The following NRG3 variants were observed in gnomAD, a reference collection of about 807,000 sequenced individuals.
NRG3 encodes the protein pro-neuregulin-3, membrane-bound isoform.
In NRG3, 31 loss-of-function variants were observed where a neutral mutation model predicts 66.9. The ratio of observed to expected loss-of-function variants is 0.46; its 90% CI spans 0.35 to 0.63. NRG3 has a LOEUF of 0.63. NRG3 is among the 20% of genes least tolerant of loss of function. NRG3 has a pLI of 0.00. For missense variants in NRG3, 910 were observed against 878.9 expected (o/e 1.04, Z -0.45); for synonymous variants, 393 against 359.4 (o/e 1.09, Z -1.06).
chr10:82,787,087 C>T (rs939309233), intron 3 of NRG3, among the ~76,000 whole-genome samples: 4 of 152,162 alleles, frequency 2.6e-5, no homozygotes, highest in African/African-American at 4.8e-5. Context: ...GCCATTTTCC[C>T]TCTAGACACA....
chr10:82,295,445 A>G (rs1014627159), intron 1 of NRG3, among the ~76,000 whole-genome samples: 2 of 152,066 alleles, frequency 1.3e-5, no homozygotes, highest in African/African-American at 4.8e-5. Context: ...TTTGTTATCG[A>G]GGGTACATTT....
At chr10:82,694,630 T>C (rs188286899) in intron 2 of NRG3, among the ~76,000 whole-genome samples, 3 of 152,154 alleles carry the variant, frequency 2.0e-5, no homozygotes, top group Admixed American at 1.3e-4. Flanking sequence ...TGGCAATGCC[T>C]GTAGCCTTAG....
At chr10:82,425,084 G>A (rs1376159149) in intron 2 of NRG3, among the ~76,000 whole-genome samples, 1 of 152,006 alleles carries the variant, frequency 6.6e-6, no homozygotes, top group African/African-American at 2.4e-5. Context: ...TGAAGTGTGG[G>A]TCCTCTGCTT....
intron 1 of NRG3, among the ~76,000 whole-genome samples, chr10:82,325,982 T>G (rs1435700540): frequency 6.6e-6 from 1 of 152,204 alleles, no homozygotes; most frequent in African/African-American, 2.4e-5. Flanking sequence ...CCATTTCCCA[T>G]GCTCTGTATT....
chr10:82,618,992 T>A (rs2048854894), intron 2 of NRG3, among the ~76,000 whole-genome samples: 1 of 151,950 alleles, frequency 6.6e-6, no homozygotes. Flanking sequence ...TGTAATCATG[T>A]ATACTTAGAA....
rs574820168 is a variant in NRG3, at chr10:82,128,559, T to C, written c.824-230180T>C. 1.4e-4 allele frequency among the ~76,000 whole-genome samples: 21 copies of C among 152,196 alleles called. No homozygotes were observed. In the South Asian group the frequency reaches 4.1e-3, roughly 30 times the overall value. On this transcript the variant is annotated intron_variant, in intron 1 of 8. Coordinates refer to ENST00000372141, the MANE Select transcript of NRG3 (RefSeq NM_001010848.4). ...TGTTGTGGAATGAATAAAGGATTTATATCTTTAATGCTGCATTGAACAAAT... is the reference window on the plus strand; with the variant it reads ...TGTTGTGGAATGAATAAAGGATTTACATCTTTAATGCTGCATTGAACAAAT...
At chr10:81,909,421 G>T (rs1844908158) in intron 1 of NRG3, among the ~76,000 whole-genome samples, 1 of 152,164 alleles carries the variant, frequency 6.6e-6, no homozygotes. Flanking sequence ...ATGGAGATGG[G>T]ATGGTGGTAT....
intron 1 of NRG3, among the ~76,000 whole-genome samples, chr10:82,055,293 A>C (rs975853671): frequency 1.3e-5 from 2 of 151,652 alleles, no homozygotes; most frequent in African/African-American, 2.4e-5. Context: ...TGGCTAACAC[A>C]GTGAAAACCC....
At chr10:82,314,440 G>T (rs2081189276) in intron 1 of NRG3, among the ~76,000 whole-genome samples, 1 of 152,002 alleles carries the variant, frequency 6.6e-6, no homozygotes, top group Middle Eastern at 3.4e-3. Flanking sequence ...CAGTTTTATA[G>T]TGGGAAATTA....
intron 1 of NRG3, among the ~76,000 whole-genome samples, chr10:82,239,473 C>G (rs2076912969): frequency 6.6e-6 from 1 of 152,096 alleles, no homozygotes; most frequent in Admixed American, 6.5e-5. Context: ...ACCATAGTAT[C>G]TAAAGATTTT....
chr10:82,721,098 A>G (rs1002017313), intron 2 of NRG3, among the ~76,000 whole-genome samples: 11 of 80,572 alleles, frequency 1.4e-4, no homozygotes, highest in South Asian at 4.0e-4. Context: ...TTGTTTGTTT[A>G]TTTATTTTGA....
intron 1 of NRG3, among the ~76,000 whole-genome samples, chr10:82,021,645 C>G (rs2062064563): frequency 6.6e-6 from 1 of 151,970 alleles, no homozygotes; most frequent in Non-Finnish European, 1.5e-5. Flanking sequence ...TTGTGGGATC[C>G]TCAAGAATTT....
chr10:82,037,174 G>C (rs911309485), intron 1 of NRG3, among the ~76,000 whole-genome samples: 2 of 152,158 alleles, frequency 1.3e-5, no homozygotes, highest in African/African-American at 4.8e-5. Flanking sequence ...ATCTGGTTGA[G>C]AAGCTTCTGG....
intron 1 of NRG3, among the ~76,000 whole-genome samples, chr10:82,222,805 C>T (rs2076003912): frequency 6.6e-6 from 1 of 152,176 alleles, no homozygotes; most frequent in Non-Finnish European, 1.5e-5. Flanking sequence ...TCTGGCTCTT[C>T]AGTGCCCCAA....
chr10:82,851,919 G>A (rs1013399398), intron 3 of NRG3, among the ~76,000 whole-genome samples: 7 of 152,248 alleles, frequency 4.6e-5, no homozygotes, highest in South Asian at 4.1e-4. Context: ...CTCAGAGTAT[G>A]TAGATATAAA....
At chr10:82,503,500 G>A (rs1288871687) in intron 2 of NRG3, among the ~76,000 whole-genome samples, 1 of 152,166 alleles carries the variant, frequency 6.6e-6, no homozygotes, top group East Asian at 1.9e-4. Context: ...ACTGACTTGA[G>A]GATTGACTAC....
chr10:82,447,365 C>A (rs2090784501), intron 2 of NRG3, among the ~76,000 whole-genome samples: 1 of 152,138 alleles, frequency 6.6e-6, no homozygotes, highest in Non-Finnish European at 1.5e-5. Context: ...AGGAGGATCT[C>A]TTGAGTCCAG....
intron 1 of NRG3, among the ~76,000 whole-genome samples, chr10:81,912,572 C>T (rs1337053061): frequency 6.6e-6 from 1 of 152,204 alleles, no homozygotes; most frequent in Non-Finnish European, 1.5e-5. Flanking sequence ...TTAATTCTTT[C>T]ATGTTCTGGT....
intron 2 of NRG3, among the ~76,000 whole-genome samples, chr10:82,535,617 A>G (rs1847735728): frequency 6.6e-6 from 1 of 152,188 alleles, no homozygotes; most frequent in African/African-American, 2.4e-5. Flanking sequence ...GAATTGTTTT[A>G]CATTTAGTCA....
Sources: allele counts gnomAD v4.1 joint callset (sites outside exome capture counted in the v4.1 genomes callset), GRCh38; gene constraint gnomAD v4.1.1; transcripts MANE v1.5; gene names NCBI Gene and HGNC (gene_info 2026-07-23, HGNC 2026-07-21).